The following PCDH15 variants were observed in gnomAD, a reference collection of about 807,000 sequenced individuals.
PCDH15 encodes the protein protocadherin-15.
In PCDH15, 129 loss-of-function variants were observed where a neutral mutation model predicts 178.5. That is an observed-to-expected ratio of 0.72 (90% confidence interval 0.63 to 0.84). The LOEUF (loss-of-function observed/expected upper bound fraction) is 0.84. Ranked by LOEUF, PCDH15 falls within the 40% of genes least tolerant of loss-of-function variation. The probability of loss-of-function intolerance (pLI) is 0.00; values close to 1 mark genes in which losing one functional copy is unlikely to be tolerated. For synonymous variants in PCDH15, 800 were observed against 732.0 expected, an observed-to-expected ratio of 1.09 and a Z score of -1.50; for missense variants, 2,230 against 2,099.9, an observed-to-expected ratio of 1.06 and a Z score of -1.21.
At chr10:54,356,467 T>A (rs1365840852) in intron 5 of PCDH15, among the ~76,000 whole-genome samples, 1 of 151,850 alleles carries the variant, frequency 6.6e-6, no homozygotes, top group Non-Finnish European at 1.5e-5. Context: ...TTCATTAGTA[T>A]AAAATAGTTA....
chr10:55,234,605 T>C (rs1841322350), intron 1 of PCDH15, among the ~76,000 whole-genome samples: 1 of 151,952 alleles, frequency 6.6e-6, no homozygotes. Flanking sequence ...ATCCTCAAAC[T>C]CCTGGCCTCA....
intron 23 of PCDH15, among the ~76,000 whole-genome samples, chr10:53,942,528 C>A (rs116010548): frequency 6.6e-6 from 1 of 152,150 alleles, no homozygotes; most frequent in Non-Finnish European, 1.5e-5. Context: ...ACTAGATTCT[C>A]GCTAGCCAAC....
chr10:55,587,607 A>G (rs568167461), intron 2 of PCDH15, among the ~76,000 whole-genome samples: 5 of 152,332 alleles, frequency 3.3e-5, no homozygotes, highest in African/African-American at 1.2e-4. Context: ...TAGAGTGAAC[A>G]AAAGAAAAAA....
In PCDH15 at chr10:54,326,124, C is replaced by A. The variant is rs184250293; in HGVS notation, c.705+3472G>T. On this transcript the variant is annotated intron_variant, in intron 7 of 37. Coordinates refer to ENST00000644397, the MANE Select transcript of PCDH15 (RefSeq NM_001384140.1). ...GCACTTTCCATACTGTAAATGCTCC[C>A]AGCATGGCTGCAAATGTGAGATCAC... is the stretch of plus-strand genomic sequence containing the variant. Among the ~76,000 whole-genome samples the A allele has an allele frequency of 1.6e-3, 251 of 152,248 alleles. 1 individual carries two copies. The highest frequency in any genetic ancestry group is 5.9e-3 in the African/African-American group (244 of 41,560).
In PCDH15 at chr10:55,292,048, AT is replaced by A. The variant is rs550402887; in HGVS notation, c.-156+27550del. ...GGCAGGAACACAGCCAAACCATATTATTCCCCCCTAGCCCCTTCCAGATCTC... is the reference window on the plus strand; with the variant it reads ...GGCAGGAACACAGCCAAACCATATTATCCCCCCTAGCCCCTTCCAGATCTC... On this transcript the variant is annotated intron_variant, in intron 1 of 5. Coordinates refer to the PCDH15 transcript ENST00000458638. Among the ~76,000 whole-genome samples the A allele has an allele frequency of 7.1e-3, 1,085 of 152,194 alleles. 5 individuals carry two copies. Among genetic ancestry groups the A allele is most frequent in the Admixed American group, 0.012 (184 of 15,262 alleles).
chr10:55,360,804 A>G (rs1845209012), intron 2 of PCDH15, among the ~76,000 whole-genome samples: 1 of 152,016 alleles, frequency 6.6e-6, no homozygotes, highest in African/African-American at 2.4e-5. Flanking sequence ...ATGAACCTAC[A>G]CATTTCTCAT....
intron 2 of PCDH15, among the ~76,000 whole-genome samples, chr10:55,540,144 T>A (rs1312211870): frequency 6.6e-6 from 1 of 152,136 alleles, no homozygotes; most frequent in Non-Finnish European, 1.5e-5. Flanking sequence ...AATCTATTTT[T>A]TCAAGTGCAT....
At position 55,375,756 on chromosome 10, in the gene PCDH15, A is replaced by AT. The variant is rs559831395; in HGVS notation, c.-155-209106dup. The stretch of plus-strand genomic sequence containing the variant: ...GTTCACTTGCTTAATAAGCCAGATG[A>AT]TTTTTTTTTTACTTCCTACCTAATT... On this transcript the variant is annotated intron_variant, in intron 2 of 5. Coordinates refer to the PCDH15 transcript ENST00000613346. 3.9e-4 allele frequency among the ~76,000 whole-genome samples: 59 copies of AT among 149,970 alleles called. 1 individual carries two copies. Among genetic ancestry groups the AT allele is most frequent in the Middle Eastern group, 6.9e-3 (2 of 290 alleles).
chr10:54,794,688 G>C (rs553707406), intron 1 of PCDH15, among the ~76,000 whole-genome samples: 11 of 151,884 alleles, frequency 7.2e-5, no homozygotes, highest in African/African-American at 2.7e-4. Flanking sequence ...GAGGTTAAAT[G>C]GATGGCATAT....
intron 2 of PCDH15, among the ~76,000 whole-genome samples, chr10:54,960,677 C>A (rs902665052): frequency 7.9e-5 from 12 of 152,164 alleles, no homozygotes; most frequent in Non-Finnish European, 1.0e-4. Flanking sequence ...TCAAAAGCTT[C>A]TTTTACAAAA....
intron 13 of PCDH15, among the ~76,000 whole-genome samples, chr10:54,172,042 A>G (rs1349551570): frequency 2.0e-5 from 3 of 152,010 alleles, no homozygotes; most frequent in East Asian, 1.9e-4. Flanking sequence ...TCTTATTAAT[A>G]TAAGAAGCCA....
intron 2 of PCDH15, among the ~76,000 whole-genome samples, chr10:55,457,470 T>C (rs1023757507): frequency 2.6e-5 from 4 of 152,082 alleles, no homozygotes; most frequent in African/African-American, 9.7e-5. Context: ...TGCATCGCTT[T>C]TTACTAGATG....
rs535175553 is a variant in PCDH15 at position 54,559,182 on chromosome 10, T to A, written c.92-31305A>T. 5.3e-5 allele frequency among the ~76,000 whole-genome samples: 8 copies of A among 152,212 alleles called. No homozygotes were observed. In the South Asian group the frequency reaches 1.5e-3, roughly 28 times the overall value. On this transcript the variant is annotated intron_variant, in intron 2 of 37. Coordinates refer to ENST00000644397, the MANE Select transcript of PCDH15 (RefSeq NM_001384140.1). ...TACAATAATTAAAATATGTAACATA[T>A]GAGAATTAAAATATATAATAAGGAT...
At chr10:54,928,938 A>G (rs530548587) in intron 2 of PCDH15, among the ~76,000 whole-genome samples, 1 of 152,144 alleles carries the variant, frequency 6.6e-6, no homozygotes, top group Non-Finnish European at 1.5e-5. Flanking sequence ...AATTTCAGCA[A>G]TCTCAGCTCA....
At chr10:54,638,810 ATAAAGAAAAC>A (rs1445396579) in intron 2 of PCDH15, among the ~76,000 whole-genome samples, 5 of 152,164 alleles carry the variant, frequency 3.3e-5, no homozygotes, top group South Asian at 2.1e-4. Context: ...CAATGAGCGG[ATAAAGAAAAC>A]ATGGTATATA....
intron 3 of PCDH15, among the ~76,000 whole-genome samples, chr10:54,830,502 C>T (rs981213140): frequency 2.6e-5 from 4 of 151,364 alleles, no homozygotes; most frequent in Admixed American, 6.6e-5. Context: ...CCAAACACCG[C>T]ATGTTCTCAC....
chr10:54,950,747 A>G (rs1019900793), intron 2 of PCDH15, among the ~76,000 whole-genome samples: 2 of 151,940 alleles, frequency 1.3e-5, no homozygotes, highest in African/African-American at 2.4e-5. Context: ...CCTATGATTC[A>G]TTGACCTCTG....
intron 2 of PCDH15, among the ~76,000 whole-genome samples, chr10:55,414,315 AAGT>A (rs1224180592): frequency 6.6e-6 from 1 of 151,562 alleles, no homozygotes; most frequent in East Asian, 1.9e-4. Flanking sequence ...CATTACTGCT[AAGT>A]AGTAGTAGTA....
intron 1 of PCDH15, among the ~76,000 whole-genome samples, chr10:55,297,671 C>T (rs926753748): frequency 2.6e-5 from 4 of 151,846 alleles, no homozygotes; most frequent in Non-Finnish European, 5.9e-5. Context: ...TGAATGATGT[C>T]AGCACATTTC....
Sources: allele counts gnomAD v4.1 joint callset (sites outside exome capture counted in the v4.1 genomes callset), GRCh38; gene constraint gnomAD v4.1.1; transcripts MANE v1.5; gene names NCBI Gene and HGNC (gene_info 2026-07-23, HGNC 2026-07-21).